Variants in MYO18A observed in about 807,000 individuals in gnomAD.
MYO18A encodes unconventional myosin-XVIIIa.
A neutral mutation model predicts 235.8 loss-of-function variants in MYO18A; 78 were observed. That is an observed-to-expected ratio of 0.33 (90% CI 0.28 to 0.40). The LOEUF is 0.40. Ranked by LOEUF, MYO18A falls within the 10% of genes least tolerant of loss-of-function variation. MYO18A has a pLI of 1.00. For missense variants in MYO18A, 2,215 were observed against 2,699.3 expected (o/e 0.82, Z 3.98); for synonymous variants, 977 against 1,077.8 (o/e 0.91, Z 1.83).
At chr17:29,131,298 C>A in intron 2 of MYO18A, 1 of 782,334 alleles carries the variant, frequency 1.3e-6, no homozygotes, top group Non-Finnish European at 1.6e-6. Flanking sequence ...GGCAAACACA[C>A]ACACGCACAC....
intron 2 of MYO18A, 107 bp downstream of exon 2, chr17:29,165,835 C>A (rs2068268757): frequency 9.1e-7 from 1 of 1,096,954 alleles, no homozygotes; most frequent in South Asian, 1.6e-5. Context: ...CACTTACACA[C>A]TGCTAGGCTC....
chr17:29,091,415 A>C (rs1276763057), intron 34 of MYO18A: 25 of 331,938 alleles, frequency 7.5e-5, no homozygotes, highest in East Asian at 4.4e-4. Flanking sequence ...GGGAAGAGAG[A>C]TCCAACAGCA....
At chr17:29,137,385 G>T (rs2067628851) in intron 2 of MYO18A, among the ~76,000 whole-genome samples, 1 of 152,310 alleles carries the variant, frequency 6.6e-6, no homozygotes, top group African/African-American at 2.4e-5. Context: ...CTGATTCCCA[G>T]GGACATGGTA....
At position 29,074,579 on chromosome 17, in the gene MYO18A, C is replaced by G; in HGVS notation, c.*191G>C. 1.6e-6 allele frequency: 1 copy of G among 630,386 alleles called. No individual in the cohort carries two copies. Among genetic ancestry groups the G allele is most frequent in the South Asian group, 2.2e-5 (1 of 45,586 alleles). 39.0% of individuals were successfully genotyped at this position (630,386 alleles called of 1,614,324 possible). On this transcript the variant is annotated 3_prime_UTR_variant, in exon 42 of 42. Coordinates refer to ENST00000527372, the MANE Select transcript of MYO18A (RefSeq NM_078471.4). This position sits in a 1 kb window ranked among gnomAD's most constrained non-coding sequence, Gnocchi z 4.4. The stretch of plus-strand genomic sequence containing the variant: ...AAGTTCTCTTCAGAAACTCCTCTTT[C>G]CCCCACCTCTTCCACGTGGAGACAT...
At position 29,149,941 on chromosome 17, in the gene MYO18A, T is replaced by C. The variant is rs2067933753; in HGVS notation, c.999+16001A>G. ...GGTAGACAGGAGGGAATAAACATAA[T>C]GAAGCATTGTTCTCTTTTTCATATA... On this transcript the variant is annotated intron_variant, in intron 2 of 41. Coordinates refer to ENST00000527372, the MANE Select transcript of MYO18A (RefSeq NM_078471.4). Among the ~76,000 whole-genome samples the C allele has an allele frequency of 3.3e-5, 5 of 152,360 alleles. No homozygotes were observed. The South Asian group carries it at 1.0e-3, about 32-fold the overall frequency.
chr17:29,129,089 C>A (rs1434296426), intron 2 of MYO18A: 1 of 1,289,284 alleles, frequency 7.8e-7, no homozygotes, highest in Non-Finnish European at 1.0e-6. Flanking sequence ...CACCTGTTTT[C>A]CGGGCAGTCA....
At position 29,082,387 on chromosome 17, in the gene MYO18A, G is replaced by A; in HGVS notation, c.5949C>T (p.Val1983=). The A allele has an allele frequency of 6.2e-7, 1 of 1,613,904 alleles. No homozygotes were observed. The highest frequency in any genetic ancestry group is 8.5e-7 in the Non-Finnish European group (1 of 1,179,886). ...CCTTGTTTTTTGACAACCAGGACTT[G>A]ACCCCGTCAACACGGTCCTCCAGCT... ...DSELEDRVDG[V]KSWLSKNKGP... is the part of the protein sequence containing the mutation. Residue 1983 remains valine (V), a synonymous_variant, in exon 41 of 42, where the codon GTC becomes GTT. Transcript: ENST00000527372.
At chr17:29,170,970 AAG>A (rs1260933010) in intron 1 of MYO18A, among the ~76,000 whole-genome samples, 1 of 152,250 alleles carries the variant, frequency 6.6e-6, no homozygotes, top group African/African-American at 2.4e-5. Context: ...GTCTTTGACA[AAG>A]AGCACATATG....
At chr17:29,152,766 G>A (rs1331183890) in intron 2 of MYO18A, among the ~76,000 whole-genome samples, 1 of 152,032 alleles carries the variant, frequency 6.6e-6, no homozygotes, top group Non-Finnish European at 1.5e-5. Flanking sequence ...CTGTCACTCA[G>A]GTTGGAGTGC....
intron 41 of MYO18A, chr17:29,080,488 T>A (rs2066092550): frequency 4.1e-6 from 4 of 985,988 alleles, no homozygotes; most frequent in Non-Finnish European, 3.6e-6. Flanking sequence ...CAGGCGAGAA[T>A]CAGGGCTCTC....
chr17:29,143,402 GTTT>G (rs532615100), intron 2 of MYO18A, among the ~76,000 whole-genome samples: 2 of 121,536 alleles, frequency 1.6e-5, no homozygotes, highest in Admixed American at 8.3e-5. Context: ...CACCATGTAG[GTTT>G]TTTTTTTTTT....
At chr17:29,127,756 T>G (rs2067358840) in intron 2 of MYO18A, 1 of 658,032 alleles carries the variant, frequency 1.5e-6, no homozygotes, top group Non-Finnish European at 1.9e-6. Context: ...TCATGCGGGG[T>G]TCGCTGAGGT....
At chr17:29,161,835 A>T (rs751052281) in intron 2 of MYO18A, among the ~76,000 whole-genome samples, 5 of 152,104 alleles carry the variant, frequency 3.3e-5, no homozygotes, top group Non-Finnish European at 7.4e-5. Context: ...GGGAATTTTG[A>T]TCCAACTGGG....
intron 2 of MYO18A, among the ~76,000 whole-genome samples, chr17:29,151,793 G>C (rs2067968778): frequency 1.3e-5 from 2 of 152,190 alleles, no homozygotes; most frequent in African/African-American, 4.8e-5. Context: ...TATAGAATCA[G>C]AAGTCCCAAC....
In MYO18A at chr17:29,071,621, C is replaced by T. The variant is rs999890725; in HGVS notation, c.*3149G>A. ...GGAAGTGCTATTTTCAAGCCCTGGT[C>T]AAAATAGCAGCTCCTTTTAGAGGCT... On this transcript the variant is annotated 3_prime_UTR_variant, in exon 42 of 42. Transcript: ENST00000527372. 1 of 152,208 alleles carries T rather than the reference C, an allele frequency of 6.6e-6. No homozygotes were observed. Among genetic ancestry groups the T allele is most frequent in the Non-Finnish European group, 1.5e-5 (1 of 68,040 alleles). The allele number at this position is 152,208 out of a possible 1,614,324, so 9.4% of individuals were successfully genotyped here.
At chr17:29,102,147 G>C (rs910422412) in intron 21 of MYO18A, among the ~76,000 whole-genome samples, 1 of 152,210 alleles carries the variant, frequency 6.6e-6, no homozygotes, top group African/African-American at 2.4e-5. Context: ...GTGGGCCCTG[G>C]GGCTTGCCTG....
At chr17:29,160,283 T>G (rs1167623731) in intron 2 of MYO18A, among the ~76,000 whole-genome samples, 1 of 152,216 alleles carries the variant, frequency 6.6e-6, no homozygotes, top group African/African-American at 2.4e-5. Flanking sequence ...TGGAGTGAAT[T>G]CACTGGGTAT....
At chr17:29,128,265 C>T (rs1428078597) in intron 2 of MYO18A, 12 of 1,175,004 alleles carry the variant, frequency 1.0e-5, no homozygotes, top group East Asian at 7.2e-5. Context: ...GTCGGGTGCT[C>T]GGGGGACTTG....
chr17:29,091,394 C>T lies in MYO18A; in HGVS notation c.5188-468G>A, dbSNP rs58257320. 2,561 of 336,854 alleles carry T rather than the reference C, an allele frequency of 7.6e-3. 58 individuals are homozygous for T. The highest frequency in any genetic ancestry group is 0.052 in the African/African-American group (2,387 of 46,144). The allele number at this position is 336,854 out of a possible 1,614,324, so 20.9% of individuals were successfully genotyped here. A position where few individuals can be genotyped will look rare whatever the true frequency, so the allele number is the denominator to read the frequency against. ...ATCCAGCCCCGACAGCCAGTCCCCT[C>T]CTTGGGGGAGGGGAAGAGAGATCCA... On this transcript the variant is annotated intron_variant, in intron 34 of 41. Transcript: ENST00000527372.
Sources: allele counts gnomAD v4.1 joint callset (sites outside exome capture counted in the v4.1 genomes callset), GRCh38; gene constraint gnomAD v4.1.1; non-coding constraint Gnocchi (gnomAD v3.1); transcripts MANE v1.5; gene names NCBI Gene and HGNC (gene_info 2026-07-23, HGNC 2026-07-21).